The following ZNF253 variants were observed in gnomAD, a reference collection of about 807,000 sequenced individuals.
The protein encoded by ZNF253 is DNA-binding protein.
ZNF253 carries 8 observed loss-of-function variants against 11.9 expected under a neutral mutation model. The ratio of observed to expected loss-of-function variants is 0.67; its 90% confidence interval spans 0.40 to 1.22. The LOEUF (loss-of-function observed/expected upper bound fraction) is 1.22, where lower values mean the gene tolerates loss of function less well. Ranked by LOEUF, ZNF253 falls within the 50% of genes most tolerant of loss-of-function variation. The pLI is 0.01. For missense variants in ZNF253, 485 were observed against 586.9 expected (o/e 0.83, Z 1.79); for synonymous variants, 194 against 194.9 (o/e 1.00, Z 0.04).
In ZNF253 at chr19:19,891,713, T is replaced by A. The variant is rs200538951; in HGVS notation, c.466T>A (p.Phe156Ile). Residue 156 changes from phenylalanine to isoleucine, a missense_variant, in exon 4 of 4, where the codon TTT becomes ATT. Phe to Ile is a conservative substitution (Grantham distance 21). This residue lies in a region of ZNF253 where 218 missense variants were observed against 213.1 expected (regional missense o/e 1.02). Transcript: ENST00000589717. The part of the protein sequence containing the change: ...CDKYGKVFHK[F>I]SNSNTYKTRH... ...TAAATATGGAAAAGTCTTTCATAAG[T>A]TTTCAAATTCAAACACATATAAGAC... 3 of 1,614,096 alleles carry A rather than the reference T, an allele frequency of 1.9e-6. No homozygotes were observed. In the African/African-American group the frequency reaches 4.0e-5, roughly 22 times the overall value.
intron 3 of ZNF253, among the ~76,000 whole-genome samples, chr19:19,887,269 T>C (rs2063210068): frequency 6.6e-6 from 1 of 151,808 alleles, no homozygotes; most frequent in Non-Finnish European, 1.5e-5. Context: ...ACTCAGGCAT[T>C]CTATTTTTTT....
chr19:19,880,262 C>A (rs779499767), intron 3 of ZNF253, 116 bp downstream of exon 3: 1 of 638,424 alleles, frequency 1.6e-6, no homozygotes, highest in Non-Finnish European at 2.5e-6. Context: ...GGAAATAGGT[C>A]CTGGGCAGCT....
At chr19:19,884,315 A>C (rs534181406) in intron 3 of ZNF253, among the ~76,000 whole-genome samples, 10 of 152,188 alleles carry the variant, frequency 6.6e-5, no homozygotes, top group African/African-American at 2.4e-4. Context: ...TATATTTTCA[A>C]ATATGTCTTC....
At chr19:19,884,552 A>G (rs1474868880) in intron 3 of ZNF253, among the ~76,000 whole-genome samples, 2 of 151,922 alleles carry the variant, frequency 1.3e-5, no homozygotes, top group Non-Finnish European at 2.9e-5. Context: ...TTGTATTTTT[A>G]GTAGACATGG....
chr19:19,886,474 A>C (rs1414689549), intron 3 of ZNF253, among the ~76,000 whole-genome samples: 1 of 152,158 alleles, frequency 6.6e-6, no homozygotes, highest in Non-Finnish European at 1.5e-5. Flanking sequence ...ATAAATCCTC[A>C]ATGTTGGTTA....
At chr19:19,878,874 A>G (rs563558214) in intron 2 of ZNF253, among the ~76,000 whole-genome samples, 1 of 152,328 alleles carries the variant, frequency 6.6e-6, no homozygotes, top group South Asian at 2.1e-4. Flanking sequence ...GATAAACGCT[A>G]GAGGTGATGG....
intron 3 of ZNF253, among the ~76,000 whole-genome samples, chr19:19,891,217 T>C (rs1351181409): frequency 7.9e-5 from 12 of 152,196 alleles, no homozygotes; most frequent in Admixed American, 7.9e-4. Flanking sequence ...CAGAGCTTTC[T>C]TTTTCTTCTA....
intron 3 of ZNF253, among the ~76,000 whole-genome samples, chr19:19,886,275 G>A (rs896335579): frequency 1.1e-4 from 16 of 152,200 alleles, no homozygotes; most frequent in African/African-American, 2.9e-4. Context: ...TTATAGGCAA[G>A]AGCCACTGTT....
intron 2 of ZNF253, among the ~76,000 whole-genome samples, chr19:19,878,971 G>A (rs1262788713): frequency 2.0e-5 from 3 of 152,042 alleles, no homozygotes; most frequent in Non-Finnish European, 2.9e-5. Flanking sequence ...TACATATACT[G>A]TATGCCCACA....
chr19:19,884,728 A>C (rs530047748), intron 3 of ZNF253, among the ~76,000 whole-genome samples: 1 of 152,318 alleles, frequency 6.6e-6, no homozygotes, highest in African/African-American at 2.4e-5. Context: ...AACATTTTAA[A>C]ATAATGGCTG....
At position 19,885,111 on chromosome 19, in the gene ZNF253, A is replaced by C. The variant is rs547720753; in HGVS notation, c.226+4965A>C. The stretch of plus-strand genomic sequence containing the variant: ...AAATTTTTTTCTTTCAGAAATTTTG[A>C]AGTATAGTGTAGTTAAACTTTTTTG... On this transcript the variant is annotated intron_variant, in intron 3 of 3. Transcript: ENST00000589717. 6.6e-5 allele frequency among the ~76,000 whole-genome samples: 10 copies of C among 152,132 alleles called. No individual in the cohort carries two copies. The East Asian group carries it at 1.9e-3, about 29-fold the overall frequency.
rs1036083851 is a variant in ZNF253 at position 19,893,749 on chromosome 19, T to G, written c.*1002T>G. On this transcript the variant is annotated 3_prime_UTR_variant, in exon 4 of 4. Transcript: ENST00000589717. ...AAAAATCTTTCAGAAAATAGAAGTC[T>G]TTAAAGTGAAGAATATTTATTCTGA... 6.6e-6 allele frequency: 1 copy of G among 152,204 alleles called. No individual in the cohort carries two copies. Among genetic ancestry groups the G allele is most frequent in the African/African-American group, 2.4e-5 (1 of 41,444 alleles). The allele number at this position is 152,204 out of a possible 1,614,324, so 9.4% of individuals were successfully genotyped here.
intron 3 of ZNF253, among the ~76,000 whole-genome samples, chr19:19,882,590 A>T (rs757341674): frequency 1.5e-4 from 23 of 152,182 alleles, no homozygotes; most frequent in Admixed American, 9.2e-4. Flanking sequence ...TCTTAACATC[A>T]GTTTATTGTG....
chr19:19,882,017 C>T (rs1431213700), intron 3 of ZNF253, among the ~76,000 whole-genome samples: 1 of 151,850 alleles, frequency 6.6e-6, no homozygotes, highest in Admixed American at 6.6e-5. Flanking sequence ...GATGAAACCT[C>T]GTCTTTACTA....
rs2063243579 is a variant in ZNF253 at position 19,893,696 on chromosome 19, T to C, written c.*949T>C. On this transcript the variant is annotated 3_prime_UTR_variant, in exon 4 of 4. Coordinates refer to ENST00000589717, the MANE Select transcript of ZNF253 (RefSeq NM_021047.3). ...TGAACAGAAGAAGGTTCATAGTTAA[T>C]AAAGCATTAAAAGTGCAATTACTGT... 1 of 152,238 alleles carries C rather than the reference T, an allele frequency of 6.6e-6. No homozygotes were observed. The allele number at this position is 152,238 out of a possible 1,614,324, so 9.4% of individuals were successfully genotyped here. A position where few individuals can be genotyped will look rare whatever the true frequency, so the allele number is the denominator to read the frequency against.
rs1568498768 is a variant in ZNF253, at chr19:19,885,272, T to TTTC, written c.226+5129_226+5131dup. ...CTTTCTTTCTTTCTTTCTTTCTTTC[T>TTTC]TTCTTTCTTTCTTTCTTTCTCTTTC... On this transcript the variant is annotated intron_variant, in intron 3 of 3. Coordinates refer to ENST00000589717, the MANE Select transcript of ZNF253 (RefSeq NM_021047.3). 7.2e-5 allele frequency among the ~76,000 whole-genome samples: 4 copies of TTTC among 55,632 alleles called. 1 individual carries two copies. In the African/African-American group the frequency reaches 1.1e-3, roughly 15 times the overall value. 36.5% of individuals were successfully genotyped at this position (55,632 alleles called of 152,430 possible). A position where few individuals can be genotyped will look rare whatever the true frequency, so the allele number is the denominator to read the frequency against.
chr19:19,882,495 C>T lies in ZNF253; in HGVS notation c.226+2349C>T, dbSNP rs190199330. On this transcript the variant is annotated intron_variant, in intron 3 of 3. Coordinates refer to ENST00000589717, the MANE Select transcript of ZNF253 (RefSeq NM_021047.3). ...TTTTTAGACAGACCGAATATCCTTACAGGTTCAAGCAGTTCTCATGTCTCA... is the reference window on the plus strand; with the variant it reads ...TTTTTAGACAGACCGAATATCCTTATAGGTTCAAGCAGTTCTCATGTCTCA... Among the ~76,000 whole-genome samples the T allele has an allele frequency of 5.3e-3, 801 of 152,106 alleles. 12 individuals carry two copies. The highest frequency in any genetic ancestry group is 0.018 in the African/African-American group (736 of 41,482).
At chr19:19,879,023 T>C (rs1342802643) in intron 2 of ZNF253, among the ~76,000 whole-genome samples, 1 of 152,180 alleles carries the variant, frequency 6.6e-6, no homozygotes, top group African/African-American at 2.4e-5. Context: ...AATAAAAATT[T>C]AACCGATGGG....
intron 3 of ZNF253, among the ~76,000 whole-genome samples, chr19:19,883,135 T>G (rs2063184837): frequency 6.6e-6 from 1 of 152,178 alleles, no homozygotes; most frequent in African/African-American, 2.4e-5. Flanking sequence ...GTCATTGAGA[T>G]AGTTTTATTT....
Sources: allele counts gnomAD v4.1 joint callset (sites outside exome capture counted in the v4.1 genomes callset), GRCh38; gene constraint gnomAD v4.1.1; regional missense constraint gnomAD v4.1.1; transcripts MANE v1.5; gene names NCBI Gene and HGNC (gene_info 2026-07-23, HGNC 2026-07-21).